Variants in SRBD1 observed in about 807,000 individuals in gnomAD.
SRBD1 encodes the protein S1 RNA binding domain 1, also known as S1 RNA-binding domain-containing protein 1.
A neutral mutation model predicts 115.3 loss-of-function variants in SRBD1; 88 were observed. That is an observed-to-expected ratio of 0.76 (90% CI 0.64 to 0.91). The LOEUF is 0.91. Among genes scored for constraint, SRBD1 ranks in the 40% least tolerant of loss-of-function variants. The pLI is 0.00. For missense variants in SRBD1, 1,385 were observed against 1,177.4 expected (o/e 1.18, Z -2.58); for synonymous variants, 509 against 407.7 (o/e 1.25, Z -2.99).
intron 14 of SRBD1, among the ~76,000 whole-genome samples, chr2:45,497,116 A>G (rs1670483872): frequency 6.6e-6 from 1 of 152,124 alleles, no homozygotes; most frequent in African/African-American, 2.4e-5. Context: ...AATATTTAGG[A>G]GACATAATTC....
At chr2:45,430,217 A>T (rs973029241) in intron 16 of SRBD1, among the ~76,000 whole-genome samples, 1 of 152,194 alleles carries the variant, frequency 6.6e-6, no homozygotes, top group African/African-American at 2.4e-5. Flanking sequence ...ATACTGCCCT[A>T]AGTAATTTAT....
In SRBD1 at chr2:45,409,224, T is replaced by A. The variant is rs141791593; in HGVS notation, c.2513+3890A>T. The stretch of plus-strand genomic sequence containing the variant: ...GTGACAAAGTGAGACCCTGTCCACA[T>A]CCCCTCCGATTGATTCTCCCCCTCC... On this transcript the variant is annotated intron_variant, in intron 19 of 20. Transcript: ENST00000263736. Among the ~76,000 whole-genome samples the A allele has an allele frequency of 7.8e-3, 1,191 of 151,854 alleles. 13 individuals carry two copies. Among genetic ancestry groups the A allele is most frequent in the African/African-American group, 0.027 (1,099 of 41,432 alleles).
At chr2:45,516,849 T>C (rs1305018218) in intron 14 of SRBD1, among the ~76,000 whole-genome samples, 1 of 152,136 alleles carries the variant, frequency 6.6e-6, no homozygotes, top group Non-Finnish European at 1.5e-5. Flanking sequence ...AATCCATAGG[T>C]TCTGGTTAAC....
chr2:45,599,559 C>T lies in SRBD1; in HGVS notation c.538G>A (p.Ala180Thr), dbSNP rs150297990. The T allele has an allele frequency of 8.6e-5, 139 of 1,614,168 alleles. No homozygotes were observed. In the African/African-American group the frequency reaches 1.0e-3, roughly 12 times the overall value. Residue 180 changes from alanine (A) to threonine (T), a missense_variant, in exon 4 of 21, where the codon GCT becomes ACT. Transcript: ENST00000263736. ...NDDDFTFGQS[A>T]LKKIKTETYP... The stretch of plus-strand genomic sequence containing the variant: ...GTCTCAGTCTTGATTTTCTTTAAAG[C>T]GGACTGACCAAATGTAAAGTCATCG...
intron 6 of SRBD1, among the ~76,000 whole-genome samples, chr2:45,580,550 A>G (rs1316856363): frequency 2.8e-5 from 4 of 142,218 alleles, no homozygotes; most frequent in Admixed American, 7.2e-5. Flanking sequence ...TAGTAGAGAC[A>G]GGGTTTCACC....
chr2:45,596,961 TAACACACACACCCACACCCACAACCCTCA>T (rs1349575137), intron 4 of SRBD1, among the ~76,000 whole-genome samples: 2 of 118,776 alleles, frequency 1.7e-5, no homozygotes, highest in Non-Finnish European at 3.7e-5. Flanking sequence ...CCCACAACCC[TAACACACACACCCACACCCACAACCCTCA>T]CACACACACA....
At chr2:45,563,176 T>C (rs1281238160) in intron 9 of SRBD1, among the ~76,000 whole-genome samples, 7 of 152,176 alleles carry the variant, frequency 4.6e-5, no homozygotes, top group Non-Finnish European at 8.8e-5. Context: ...CCATTGAGCA[T>C]TACTAATTGT....
intron 14 of SRBD1, among the ~76,000 whole-genome samples, chr2:45,493,883 T>A (rs1670376003): frequency 6.6e-6 from 1 of 151,564 alleles, no homozygotes. Flanking sequence ...AGCAGAATCA[T>A]GTCCCGTCAA....
chr2:45,403,106 T>C (rs76379410), intron 19 of SRBD1, among the ~76,000 whole-genome samples: 5,983 of 152,250 alleles, frequency 0.039, 388 homozygotes, highest in African/African-American at 0.14. Context: ...CTCTAGACTT[T>C]TAGTCTGCAA....
intron 14 of SRBD1, among the ~76,000 whole-genome samples, chr2:45,495,905 T>C (rs897761930): frequency 6.6e-6 from 1 of 152,204 alleles, no homozygotes; most frequent in Non-Finnish European, 1.5e-5. Flanking sequence ...TTAAAAAACA[T>C]GGTATGTCAA....
chr2:45,526,379 A>G (rs1159305555), intron 14 of SRBD1, among the ~76,000 whole-genome samples: 1 of 152,032 alleles, frequency 6.6e-6, no homozygotes, highest in Non-Finnish European at 1.5e-5. Context: ...TCCATTCATA[A>G]GAAATATTCA....
intron 14 of SRBD1, among the ~76,000 whole-genome samples, chr2:45,515,092 G>C (rs1433608024): frequency 6.6e-6 from 1 of 152,128 alleles, no homozygotes; most frequent in Non-Finnish European, 1.5e-5. Flanking sequence ...CTCAAGAACA[G>C]CAAATTCCAT....
At chr2:45,582,100 T>C (rs12614287) in intron 5 of SRBD1, among the ~76,000 whole-genome samples, 10,945 of 152,202 alleles carry the variant, frequency 0.072, 546 homozygotes, top group East Asian at 0.13. Context: ...GTCCCAATAA[T>C]ATCCTTTATA....
intron 16 of SRBD1, among the ~76,000 whole-genome samples, chr2:45,455,634 C>G (rs949242519): frequency 2.0e-5 from 3 of 151,818 alleles, no homozygotes; most frequent in South Asian, 2.1e-4. Context: ...CTGTCACCCC[C>G]CTTCTGATAG....
chr2:45,572,520 G>T (rs1432809749), intron 9 of SRBD1, among the ~76,000 whole-genome samples: 1 of 152,002 alleles, frequency 6.6e-6, no homozygotes, highest in Non-Finnish European at 1.5e-5. Flanking sequence ...AAACTAGGAA[G>T]TTTGTCACTA....
At chr2:45,417,945 G>A (rs1474648161) in intron 18 of SRBD1, among the ~76,000 whole-genome samples, 1 of 152,132 alleles carries the variant, frequency 6.6e-6, no homozygotes, top group African/African-American at 2.4e-5. Flanking sequence ...CACACTTAGT[G>A]TTCACTTTGC....
intron 16 of SRBD1, 37 bp from the exon 17 acceptor site, chr2:45,419,931 G>C (rs1163826023): frequency 1.3e-6 from 2 of 1,566,324 alleles, no homozygotes; most frequent in African/African-American, 1.4e-5. Context: ...CAGTGAAGGA[G>C]ATGTAGTTCT....
chr2:45,446,684 G>A (rs1668833047), intron 16 of SRBD1, among the ~76,000 whole-genome samples: 1 of 151,274 alleles, frequency 6.6e-6, no homozygotes, highest in South Asian at 2.1e-4. Context: ...TGAGCATCTA[G>A]GCATATCAAG....
intron 20 of SRBD1, among the ~76,000 whole-genome samples, chr2:45,392,297 G>A (rs1667026931): frequency 6.6e-6 from 1 of 152,110 alleles, no homozygotes; most frequent in African/African-American, 2.4e-5. Context: ...CTGGTTATAA[G>A]ACCAGTGAGC....
Sources: gnomAD v4.1 joint callset for allele counts (sites outside exome capture counted in the v4.1 genomes callset) on GRCh38, gnomAD v4.1.1 for gene constraint, MANE v1.5 for transcripts, NCBI Gene and HGNC (gene_info 2026-07-23, HGNC 2026-07-21) for gene names.